The following RUNX1 variants were observed in gnomAD, a reference collection of about 807,000 sequenced individuals.
The protein encoded by RUNX1 is RUNX family transcription factor 1.
Under a neutral mutation model 42.8 loss-of-function variants are expected in RUNX1, and 19 were observed. The ratio of observed to expected loss-of-function variants is 0.44; its 90% confidence interval spans 0.31 to 0.65. RUNX1 has a LOEUF of 0.65. RUNX1 is among the 30% of genes least tolerant of loss of function. The pLI, the probability that RUNX1 is intolerant of heterozygous loss-of-function variation, is 0.07. For missense variants in RUNX1, 528 were observed against 672.0 expected (o/e 0.79, Z 2.37); for synonymous variants, 271 against 289.4 (o/e 0.94, Z 0.64).
intron 2 of RUNX1, among the ~76,000 whole-genome samples, chr21:34,932,920 T>C (rs564147542): frequency 1.3e-5 from 2 of 152,352 alleles, no homozygotes; most frequent in African/African-American, 4.8e-5. Flanking sequence ...TGTCCTACAT[T>C]ATACCCATCT....
intron 2 of RUNX1, among the ~76,000 whole-genome samples, chr21:35,047,868 G>A (rs1054529927): frequency 1.3e-5 from 2 of 152,108 alleles, no homozygotes; most frequent in East Asian, 1.9e-4. Context: ...GTGCCCCGAC[G>A]CACACGGCAA....
chr21:34,877,214 T>C (rs557650939), intron 5 of RUNX1, among the ~76,000 whole-genome samples: 1 of 152,302 alleles, frequency 6.6e-6, no homozygotes, highest in East Asian at 1.9e-4. Flanking sequence ...TACACTTTCT[T>C]GTCATTCTAA....
At chr21:34,832,444 T>C (rs1286016644) in intron 7 of RUNX1, among the ~76,000 whole-genome samples, 3 of 152,312 alleles carry the variant, frequency 2.0e-5, no homozygotes, top group Admixed American at 6.5e-5. Flanking sequence ...TTAAAAATGC[T>C]TAAGACTTTT....
rs1328922341 is a variant in RUNX1, at chr21:34,788,280, C to T, written c.*3855G>A. Reference sequence around the variant, plus strand: ...TGCTTTTTCAGTAGATGTGTTATACCGTCATTTCAATTTGAAAGTTTATTT... The same window carrying T: ...TGCTTTTTCAGTAGATGTGTTATACTGTCATTTCAATTTGAAAGTTTATTT... On this transcript the variant is annotated 3_prime_UTR_variant, in exon 9 of 9. Coordinates refer to ENST00000675419, the MANE Select transcript of RUNX1 (RefSeq NM_001754.5). The T allele has an allele frequency of 8.6e-6, 2 of 233,336 alleles. No homozygotes were observed. Among genetic ancestry groups the T allele is most frequent in the Non-Finnish European group, 1.7e-5 (2 of 117,948 alleles). The allele number at this position is 233,336 out of a possible 1,614,324, so 14.5% of individuals were successfully genotyped here. A position where few individuals can be genotyped will look rare whatever the true frequency, so the allele number is the denominator to read the frequency against.
At chr21:35,018,570 G>A (rs1265107379) in intron 2 of RUNX1, among the ~76,000 whole-genome samples, 1 of 152,142 alleles carries the variant, frequency 6.6e-6, no homozygotes, top group Non-Finnish European at 1.5e-5. Context: ...TCCTCTGTAG[G>A]CCCAAGTAAT....
At chr21:34,886,115 C>T (rs1313772912) in intron 4 of RUNX1, among the ~76,000 whole-genome samples, 1 of 152,336 alleles carries the variant, frequency 6.6e-6, no homozygotes, top group South Asian at 2.1e-4. Context: ...CCGCTGGGAC[C>T]CCTGGCTCTC....
chr21:34,911,097 C>A (rs1243792335), intron 2 of RUNX1, among the ~76,000 whole-genome samples: 1 of 152,082 alleles, frequency 6.6e-6, no homozygotes, highest in Non-Finnish European at 1.5e-5. Context: ...GCAAAGAGGG[C>A]ACAGAAAGCA....
At chr21:34,996,001 C>T (rs1453605015) in intron 2 of RUNX1, among the ~76,000 whole-genome samples, 1 of 152,172 alleles carries the variant, frequency 6.6e-6, no homozygotes, top group Non-Finnish European at 1.5e-5. Context: ...CATAGATTTG[C>T]TTTTCAGAAT....
chr21:35,047,559 A>T (rs199554224), intron 2 of RUNX1, among the ~76,000 whole-genome samples: 12,523 of 59,518 alleles, frequency 0.21, 915 homozygotes, highest in Non-Finnish European at 0.23. Flanking sequence ...ACACACACAC[A>T]CACTCTCTCT....
At chr21:35,048,334 C>T (rs2059415449) in intron 2 of RUNX1, among the ~76,000 whole-genome samples, 1 of 152,234 alleles carries the variant, frequency 6.6e-6, no homozygotes, top group Admixed American at 6.5e-5. Flanking sequence ...AGTCCCCAGG[C>T]TGGTGCAAGG....
At chr21:34,879,883 T>C (rs2057869252) in intron 5 of RUNX1, among the ~76,000 whole-genome samples, 2 of 152,184 alleles carry the variant, frequency 1.3e-5, no homozygotes, top group African/African-American at 4.8e-5. Flanking sequence ...AAATCACACA[T>C]GGAGCTGAAG....
intron 6 of RUNX1, among the ~76,000 whole-genome samples, chr21:34,852,263 A>G (rs900638971): frequency 6.6e-6 from 1 of 152,192 alleles, no homozygotes; most frequent in Non-Finnish European, 1.5e-5. Context: ...CCAAGAATAC[A>G]CAGGCCACGC....
chr21:34,889,967 G>A, intron 3 of RUNX1: 1 of 579,154 alleles, frequency 1.7e-6, no homozygotes, highest in Non-Finnish European at 2.2e-6. Flanking sequence ...TCCCCGCGGA[G>A]CCCCTCAATT....
chr21:34,998,732 G>A (rs749694027), intron 2 of RUNX1, among the ~76,000 whole-genome samples: 25 of 152,054 alleles, frequency 1.6e-4, no homozygotes, highest in Non-Finnish European at 1.8e-4. Context: ...TAGTAGAGAT[G>A]GGGTTTCACC....
intron 2 of RUNX1, among the ~76,000 whole-genome samples, chr21:35,025,946 A>C (rs1381182515): frequency 1.3e-5 from 2 of 151,972 alleles, no homozygotes; most frequent in Non-Finnish European, 2.9e-5. Flanking sequence ...GACTGTTTCT[A>C]CTCTATGTTT....
intron 7 of RUNX1, among the ~76,000 whole-genome samples, chr21:34,807,836 C>T (rs1464822945): frequency 2.0e-5 from 3 of 152,198 alleles, no homozygotes; most frequent in Non-Finnish European, 4.4e-5. Context: ...AGATGCTTCC[C>T]AGCATCACAT....
At chr21:34,934,258 A>T (rs994745618) in intron 2 of RUNX1, among the ~76,000 whole-genome samples, 3 of 151,720 alleles carry the variant, frequency 2.0e-5, no homozygotes, top group Non-Finnish European at 2.9e-5. Context: ...TTTTGAGTCA[A>T]GTTTTTTTTT....
chr21:34,790,755 C>T lies in RUNX1; in HGVS notation c.*1380G>A, dbSNP rs575812077. The T allele has an allele frequency of 4.3e-6, 1 of 233,314 alleles. No individual in the cohort carries two copies. Among genetic ancestry groups the T allele is most frequent in the South Asian group, 1.8e-4 (1 of 5,530 alleles). The allele number at this position is 233,314 out of a possible 1,614,324, so 14.5% of individuals were successfully genotyped here. On this transcript the variant is annotated 3_prime_UTR_variant, in exon 9 of 9. Coordinates refer to ENST00000675419, the MANE Select transcript of RUNX1 (RefSeq NM_001754.5). ...TCCCACTTGTCTCCACTGAGGCACACAGAGGCAAATTGACTCCTCGAGGCC... is the reference window on the plus strand; with the variant it reads ...TCCCACTTGTCTCCACTGAGGCACATAGAGGCAAATTGACTCCTCGAGGCC...
intron 6 of RUNX1, among the ~76,000 whole-genome samples, chr21:34,845,835 A>C (rs1213386108): frequency 6.6e-6 from 1 of 152,220 alleles, no homozygotes; most frequent in Non-Finnish European, 1.5e-5. Context: ...AGAGCTTTCC[A>C]AACTCCACAC....
Sources: gnomAD v4.1 joint callset for allele counts (sites outside exome capture counted in the v4.1 genomes callset) on GRCh38, gnomAD v4.1.1 for gene constraint, MANE v1.5 for transcripts, NCBI Gene and HGNC (gene_info 2026-07-23, HGNC 2026-07-21) for gene names.